Variants in COL5A3 observed in about 807,000 individuals in gnomAD.
The protein encoded by COL5A3 is collagen alpha-3(V) chain.
In COL5A3, 172 loss-of-function variants were observed where a neutral mutation model predicts 250.0. The observed-to-expected ratio is 0.69, with a 90% CI of 0.61 to 0.78. The LOEUF (loss-of-function observed/expected upper bound fraction) is 0.78, where lower values mean the gene tolerates loss of function less well. COL5A3 is among the 30% of genes least tolerant of loss of function. The probability of loss-of-function intolerance (pLI) is 0.00; values close to 1 mark genes in which losing one functional copy is unlikely to be tolerated. For synonymous variants in COL5A3, 937 were observed against 900.4 expected (o/e 1.04, Z -0.73); for missense variants, 2,340 against 2,334.4 (o/e 1.00, Z -0.05).
intron 26 of COL5A3, 32 bp from the exon 27 acceptor site, chr19:9,989,209 G>GAGAGTCCCTTCCAC (rs1442750832): frequency 6.2e-7 from 1 of 1,613,648 alleles, no homozygotes; most frequent in Admixed American, 1.7e-5. Flanking sequence ...TGCCATTCTA[G>GAGAGTCCCTTCCAC]ACAGTCCCTT....
At chr19:9,970,894 A>C (rs1599534809) in intron 53 of COL5A3, 81 bp downstream of exon 53, 6 of 1,233,882 alleles carry the variant, frequency 4.9e-6, no homozygotes, top group Non-Finnish European at 5.6e-6. Context: ...CCACTAGCCC[A>C]CTCCCCTGCC....
chr19:9,969,588 A>T lies in COL5A3; in HGVS notation c.4085T>A (p.Ile1362Asn), dbSNP rs1243319227. The T allele has an allele frequency of 6.2e-7, 1 of 1,610,712 alleles. No individual in the cohort carries two copies. Among genetic ancestry groups the T allele is most frequent in the South Asian group, 1.1e-5 (1 of 90,790 alleles). Residue 1362 changes from isoleucine (I) to asparagine (N), a missense_variant, in exon 56 of 67, where the codon ATC becomes AAC. This residue lies in a region of COL5A3 where 1,179 missense variants were observed against 1,162.6 expected (regional missense o/e 1.01). Transcript: ENST00000264828. ...GRVGPEGLRGIPGPVGEPGLL... is the reference protein window; with the variant it reads ...GRVGPEGLRGNPGPVGEPGLL... ...CGCTCCACTCACCACAGGGCCAGGG[A>T]TCCCTCGAAGACCCTCAGGCCCCAC...
At chr19:9,979,735 G>T in intron 37 of COL5A3, 104 bp downstream of exon 37, 1 of 1,110,346 alleles carries the variant, frequency 9.0e-7, no homozygotes, top group Non-Finnish European at 1.3e-6. Flanking sequence ...GCAGTGAGCC[G>T]AGATTGCCCC....
intron 5 of COL5A3, 126 bp from the exon 6 acceptor site, chr19:10,003,840 C>A: frequency 7.6e-7 from 1 of 1,315,042 alleles, no homozygotes; most frequent in Non-Finnish European, 1.1e-6. Flanking sequence ...CTGGAGTCAA[C>A]GTTATTCATG....
At chr19:9,962,195 C>A (rs1053859318) in intron 65 of COL5A3, among the ~76,000 whole-genome samples, 11 of 152,048 alleles carry the variant, frequency 7.2e-5, no homozygotes, top group African/African-American at 2.7e-4. Context: ...CAACCTCTTC[C>A]TCCAGGGCTC....
At chr19:10,003,833 GA>G in intron 5 of COL5A3, 119 bp from the exon 6 acceptor site, 1 of 1,360,172 alleles carries the variant, frequency 7.4e-7, no homozygotes, top group Non-Finnish European at 1.0e-6. Flanking sequence ...CTGTGACCTG[GA>G]GTCAACGTTA....
chr19:9,985,249 C>T (rs928165630), intron 31 of COL5A3, among the ~76,000 whole-genome samples: 5 of 147,974 alleles, frequency 3.4e-5, no homozygotes, highest in Non-Finnish European at 7.4e-5. Context: ...CTGCCCCCGG[C>T]CACATCTGGC....
In COL5A3 at chr19:10,001,804, G is replaced by A. The variant is rs1465565108; in HGVS notation, c.927C>T (p.Ser309=). 6.2e-7 allele frequency: 1 copy of A among 1,614,138 alleles called. No individual in the cohort carries two copies. Among genetic ancestry groups the A allele is most frequent in the South Asian group, 1.1e-5 (1 of 91,082 alleles). ...PPTPTPLVVT[S]TVTTGLNATI... ...TGGCATTGAGTCCAGTAGTCACAGT[G>A]GAGGTGACGACCAAAGGCGTGGGGG... Residue 309 remains serine, a synonymous_variant, in exon 7 of 67, where the codon TCC becomes TCT. Coordinates refer to ENST00000264828, the MANE Select transcript of COL5A3 (RefSeq NM_015719.4).
intron 41 of COL5A3, among the ~76,000 whole-genome samples, 182 bp from the exon 42 acceptor site, chr19:9,977,883 CA>C (rs2086945902): frequency 6.6e-6 from 1 of 150,592 alleles, no homozygotes; most frequent in African/African-American, 2.4e-5. Flanking sequence ...TTCTCCTGCT[CA>C]AGAACACTCC....
chr19:9,996,234 A>C lies in COL5A3; in HGVS notation c.1451T>G (p.Val484Gly), dbSNP rs578185137. 24 of 1,577,348 alleles carry C rather than the reference A, an allele frequency of 1.5e-5. No homozygotes were observed. In the East Asian group the frequency reaches 4.0e-4, roughly 27 times the overall value. ...AGGGCCTGGGCGCCCAGTGAGCCCC[A>C]CTGGACCAGGGGGGCCTTTCATAGA... ...QLSMKGPPGP[V>G]GLTGRPGPVG... Residue 484 changes from valine to glycine, a missense_variant, in exon 14 of 67, where the codon GTG (valine) becomes GGG (glycine). Physicochemically the swap from Val to Gly is moderately radical, Grantham distance 109. Transcript: ENST00000264828.
rs754110974 is a variant in COL5A3, at chr19:9,967,931, T to C, written c.4377A>G (p.Leu1459=). Residue 1459 remains leucine (L), a synonymous_variant, in exon 61 of 67, where the codon CTA becomes CTG. Coordinates refer to ENST00000264828, the MANE Select transcript of COL5A3 (RefSeq NM_015719.4). ...HPGPPGVAGP[L]GQKGSKGSPG... Reference sequence around the variant, plus strand: ...GAGACCCTTTTGAGCCTTTCTGTCCTAGAGGGCCCTGTAGGGTACAGACAG... The same window carrying C: ...GAGACCCTTTTGAGCCTTTCTGTCCCAGAGGGCCCTGTAGGGTACAGACAG... 10 of 1,613,122 alleles carry C rather than the reference T, an allele frequency of 6.2e-6. No homozygotes were observed. In the South Asian group the frequency reaches 1.1e-4, roughly 18 times the overall value.
In COL5A3 at chr19:9,989,104, C is replaced by A; in HGVS notation, c.2145+20G>T. ...ACCCAAAGCTGGTAAATCACTCATA[C>A]CTGCAAGCGTATCACCTACCTTCAC... is the stretch of plus-strand genomic sequence containing the variant. On this transcript the variant is annotated intron_variant, in intron 27 of 66. Coordinates refer to ENST00000264828, the MANE Select transcript of COL5A3 (RefSeq NM_015719.4). 4 of 1,613,774 alleles carry A rather than the reference C, an allele frequency of 2.5e-6. No individual in the cohort carries two copies. The highest frequency in any genetic ancestry group is 3.4e-6 in the Non-Finnish European group (4 of 1,179,688).
chr19:9,995,539 G>T, intron 16 of COL5A3, 25 bp downstream of exon 16: 1 of 1,602,306 alleles, frequency 6.2e-7, no homozygotes, highest in Non-Finnish European at 8.5e-7. Flanking sequence ...ATAAGGGGTG[G>T]TCTGGGGACC....
At chr19:9,996,564 C>G in intron 12 of COL5A3, 48 bp from the exon 13 acceptor site, 5 of 1,613,464 alleles carry the variant, frequency 3.1e-6, no homozygotes, top group Non-Finnish European at 4.2e-6. Flanking sequence ...AGGCCCCCTC[C>G]TGGATCAGGA....
At chr19:9,971,603 AC>A (rs1282954702) in intron 51 of COL5A3, among the ~76,000 whole-genome samples, 2 of 151,866 alleles carry the variant, frequency 1.3e-5, no homozygotes. Flanking sequence ...TCATTCATAC[AC>A]TCAGAGAAGG....
rs1568431131 is a variant in COL5A3, at chr19:10,001,594, T to A, written c.1040A>T (p.Asp347Val). ...GAAGTCAGGGCCCATGGTGGAATCATCTCCTTCTTCATCCTCCCTGGCTGC... is the reference window on the plus strand; with the variant it reads ...GAAGTCAGGGCCCATGGTGGAATCAACTCCTTCTTCATCCTCCCTGGCTGC... ...TKAAREDEEG[D>V]DSTMGPDFRA... The change falls in exon 8 of 67, where the codon GAT (aspartate) becomes GTT (valine). Residue 347 changes from aspartate to valine, a missense_variant. Coordinates refer to ENST00000264828, the MANE Select transcript of COL5A3 (RefSeq NM_015719.4). 1 of 1,614,094 alleles carries A rather than the reference T, an allele frequency of 6.2e-7. No individual in the cohort carries two copies. The highest frequency in any genetic ancestry group is 1.7e-5 in the Admixed American group (1 of 59,994).
At position 9,968,122 on chromosome 19, in the gene COL5A3, A is replaced by C. The variant is rs778227865; in HGVS notation, c.4315-43T>G. The C allele has an allele frequency of 6.4e-5, 99 of 1,547,186 alleles. No homozygotes were observed. The highest frequency in any genetic ancestry group is 8.6e-5 in the Non-Finnish European group (98 of 1,140,196). On this transcript the variant is annotated intron_variant, in intron 59 of 66. Coordinates refer to ENST00000264828, the MANE Select transcript of COL5A3 (RefSeq NM_015719.4). This position sits in a 1 kb window ranked among gnomAD's most constrained non-coding sequence, Gnocchi z 4.1. ...GGTCAGTATTGGTGGGGTACACCCTATTGCCCTGACACATCCCCCAGACAA... is the reference window on the plus strand; with the variant it reads ...GGTCAGTATTGGTGGGGTACACCCTCTTGCCCTGACACATCCCCCAGACAA...
At position 9,971,035 on chromosome 19, in the gene COL5A3, G is replaced by A; in HGVS notation, c.3829-7C>T. On this transcript the variant is annotated splice_region_variant and splice_polypyrimidine_tract_variant and intron_variant, in intron 52 of 66. Coordinates refer to ENST00000264828, the MANE Select transcript of COL5A3 (RefSeq NM_015719.4). ...CTGGGGAACCATCTATGCCCTGCAT[G>A]GGGGGAAGACAGAGTTGGGAGGGGT... 6.6e-7 allele frequency: 1 copy of A among 1,521,444 alleles called. No individual in the cohort carries two copies. The highest frequency in any genetic ancestry group is 8.8e-7 in the Non-Finnish European group (1 of 1,140,512). 94.2% of individuals were successfully genotyped at this position (1,521,444 alleles called of 1,614,324 possible). A position where few individuals can be genotyped will look rare whatever the true frequency, so the allele number is the denominator to read the frequency against.
At chr19:9,988,833 CAAAAAA>C (rs67181648) in intron 27 of COL5A3, among the ~76,000 whole-genome samples, 12 of 39,428 alleles carry the variant, frequency 3.0e-4, no homozygotes, top group East Asian at 1.0e-3. Flanking sequence ...GACTCTGTCT[CAAAAAA>C]AAAAAAAAAA....
Sources: allele counts gnomAD v4.1 joint callset (sites outside exome capture counted in the v4.1 genomes callset), GRCh38; gene constraint gnomAD v4.1.1; regional missense constraint gnomAD v4.1.1; non-coding constraint Gnocchi (gnomAD v3.1); transcripts MANE v1.5; gene names NCBI Gene and HGNC (gene_info 2026-07-23, HGNC 2026-07-21).